The following ADCY4 variants were observed in gnomAD, a reference collection of about 807,000 sequenced individuals.
ADCY4 encodes the protein adenylate cyclase 4, also known as adenylate cyclase type 4.
Under a neutral mutation model 125.5 loss-of-function variants are expected in ADCY4, and 111 were observed. That is an observed-to-expected ratio of 0.88 (90% CI 0.76 to 1.04). The LOEUF (loss-of-function observed/expected upper bound fraction) is 1.04, where lower values mean the gene tolerates loss of function less well. Ranked by LOEUF, ADCY4 falls within the 50% of genes least tolerant of loss-of-function variation. The pLI is 0.00. For missense variants in ADCY4, 1,256 were observed against 1,382.9 expected (o/e 0.91, Z 1.46); for synonymous variants, 576 against 586.9 (o/e 0.98, Z 0.27).
rs769506582 is a variant in ADCY4, at chr14:24,322,065, C to T, written c.2586+1G>A. The T allele has an allele frequency of 3.2e-5, 51 of 1,609,668 alleles. No individual in the cohort carries two copies. The highest frequency in any genetic ancestry group is 4.2e-5 in the Non-Finnish European group (49 of 1,176,770). ...TCAGGAGTCAGGGGGTCAGGAGTCA[C>T]CTCGTTGCGCCGGTTCTGGCCAATG... On this transcript the variant is annotated splice_donor_variant, in intron 20 of 24. Transcript: ENST00000418030. LOFTEE classifies it high-confidence loss of function.
rs1424368991 is a variant in ADCY4 at position 24,322,557 on chromosome 14, AG to A, written c.2427+66del. The A allele has an allele frequency of 2.6e-6, 4 of 1,531,308 alleles. No homozygotes were observed. In the African/African-American group the frequency reaches 5.5e-5, roughly 21 times the overall value. The allele number at this position is 1,531,308 out of a possible 1,614,324, so 94.9% of individuals were successfully genotyped here. On this transcript the variant is annotated intron_variant, in intron 19 of 24. Transcript: ENST00000418030. Reference sequence around the variant, plus strand: ...GGGCATTCAACCCTGGAGATTAGAAAGATCAAGTCACAGATATGGGGGCCAC... The same window carrying A: ...GGGCATTCAACCCTGGAGATTAGAAAATCAAGTCACAGATATGGGGGCCAC...
In ADCY4 at chr14:24,318,667, A is replaced by G; in HGVS notation, c.3068T>C (p.Leu1023Pro). 1.9e-6 allele frequency: 3 copies of G among 1,614,148 alleles called. No individual in the cohort carries two copies. The highest frequency in any genetic ancestry group is 2.2e-5 in the East Asian group (1 of 44,880). The change falls in exon 24 of 25, where the codon CTT becomes CCT. Residue 1023 changes from leucine to proline, a missense_variant. Transcript: ENST00000418030. ...VASRMESTGV[L>P]GKIQVTEETA... Reference sequence around the variant, plus strand: ...TGGTTCCCTCACTTGGATTTTGCCAAGGACTCCTGTACTCTCCATGCGGCT... The same window carrying G: ...TGGTTCCCTCACTTGGATTTTGCCAGGGACTCCTGTACTCTCCATGCGGCT...
chr14:24,331,162 G>A (rs1351587724), intron 5 of ADCY4, 33 bp from the exon 6 acceptor site: 4 of 1,612,912 alleles, frequency 2.5e-6, no homozygotes, highest in East Asian at 2.2e-5. Flanking sequence ...GCAGGGCCAG[G>A]GTCTTAGCCC....
rs761295422 is a variant in ADCY4, at chr14:24,323,411, T to A, written c.2090A>T (p.Asn697Ile). ...TSSDCPFQAP[N>I]VSSMISNLSW... is the part of the protein sequence containing the mutation. ...GAGGTTGGAAATCATGGAGGACACA[T>A]TGGGAGCTTGGAAAGGGCAGTCTGA... is the stretch of plus-strand genomic sequence containing the variant. Residue 697 changes from asparagine (N) to isoleucine (I), a missense_variant, in exon 17 of 25, where the codon AAT becomes ATT. Coordinates refer to ENST00000418030, the MANE Select transcript of ADCY4 (RefSeq NM_001198568.2). 2.6e-6 allele frequency: 4 copies of A among 1,556,468 alleles called. No individual in the cohort carries two copies.
chr14:24,325,910 G>A (rs912412530), intron 12 of ADCY4, 23 bp from the exon 13 acceptor site: 7 of 1,576,894 alleles, frequency 4.4e-6, no homozygotes, highest in Middle Eastern at 3.4e-4. Flanking sequence ...GGGAGGGTGG[G>A]TGAAAGCACC....
chr14:24,327,096 C>A (rs751057670), intron 10 of ADCY4, among the ~76,000 whole-genome samples: 19 of 151,970 alleles, frequency 1.3e-4, no homozygotes, highest in Non-Finnish European at 2.4e-4. Context: ...GGGGTTTCGC[C>A]ATGTTGGCCG....
At chr14:24,324,757 G>A (rs538663298) in intron 14 of ADCY4, among the ~76,000 whole-genome samples, 1 of 151,774 alleles carries the variant, frequency 6.6e-6, no homozygotes, top group East Asian at 1.9e-4. Context: ...TGGCTGGAGT[G>A]CAGTGGTGTG....
Position 24,330,019 on chromosome 14 carries a change from C to G in ADCY4, c.1059-1G>C. 6.2e-7 allele frequency: 1 copy of G among 1,613,222 alleles called. No homozygotes were observed. The highest frequency in any genetic ancestry group is 8.5e-7 in the Non-Finnish European group (1 of 1,179,362). ...CACGCCAGTGGCTGCCCGCAGTTTC[C>G]TGAGCAGTGTGTGTGTGGGACAATC... On this transcript the variant is annotated splice_acceptor_variant, in intron 7 of 24. Coordinates refer to ENST00000418030, the MANE Select transcript of ADCY4 (RefSeq NM_001198568.2). LOFTEE classifies it high-confidence loss of function.
intron 6 of ADCY4, chr14:24,330,811 A>G: frequency 1.8e-6 from 1 of 552,602 alleles, no homozygotes; most frequent in African/African-American, 1.9e-5. Context: ...GGCGATATTG[A>G]GGGATCTCTG....
rs1002244467 is a variant in ADCY4, at chr14:24,334,678, G to T, written c.-26C>A. 2 of 1,491,310 alleles carry T rather than the reference G, an allele frequency of 1.3e-6. No individual in the cohort carries two copies. Among genetic ancestry groups the T allele is most frequent in the Non-Finnish European group, 1.8e-6 (2 of 1,122,854 alleles). The allele number at this position is 1,491,310 out of a possible 1,614,324, so 92.4% of individuals were successfully genotyped here. A position where few individuals can be genotyped will look rare whatever the true frequency, so the allele number is the denominator to read the frequency against. ...GATCTCCCCAGCCCCGAGCCCCGGG[G>T]CTGGCTAGGGCCGGGCGCCGGGTTA... On this transcript the variant is annotated 5_prime_UTR_variant, in exon 1 of 25. Transcript: ENST00000418030.
Position 24,323,104 on chromosome 14 carries a change from G to T in ADCY4, c.2158-16C>A. The T allele has an allele frequency of 6.2e-7, 1 of 1,612,824 alleles. No homozygotes were observed. Among genetic ancestry groups the T allele is most frequent in the Non-Finnish European group, 8.5e-7 (1 of 1,179,188 alleles). The stretch of plus-strand genomic sequence containing the variant: ...GCATGGAGTACTGTGGGGCCAGGCA[G>T]GGGTCAGGAGTGGGCATGTCCCATA... On this transcript the variant is annotated splice_polypyrimidine_tract_variant and intron_variant, in intron 17 of 24. Coordinates refer to ENST00000418030, the MANE Select transcript of ADCY4 (RefSeq NM_001198568.2).
intron 16 of ADCY4, 46 bp downstream of exon 16, chr14:24,324,016 T>C: frequency 6.3e-7 from 1 of 1,597,326 alleles, no homozygotes; most frequent in Non-Finnish European, 8.5e-7. Flanking sequence ...CCCTGGCAGG[T>C]CCAACATGCC....
intron 10 of ADCY4, 97 bp from the exon 11 acceptor site, chr14:24,326,439 A>T (rs919771526): frequency 6.9e-7 from 1 of 1,440,810 alleles, no homozygotes; most frequent in African/African-American, 1.4e-5. Flanking sequence ...CATGTCTTTG[A>T]CCTTGGGCAT....
intron 1 of ADCY4, 114 bp downstream of exon 1, chr14:24,334,380 C>G: frequency 2.8e-6 from 4 of 1,442,010 alleles, no homozygotes; most frequent in Non-Finnish European, 3.6e-6. Context: ...GCTCAATGGT[C>G]CTTTCTTTCT....
At position 24,334,808 on chromosome 14, in the gene ADCY4, C is replaced by T. The variant is rs1319884753; in HGVS notation, c.-156G>A. On this transcript the variant is annotated 5_prime_UTR_variant, in exon 1 of 25. Transcript: ENST00000418030. ...GGCAATCCCGTCTCCTTTTTCAGGC[C>T]CTCCCTGCGGCCTCCCAGCCCGCTC... 10 of 629,094 alleles carry T rather than the reference C, an allele frequency of 1.6e-5. No individual in the cohort carries two copies. Among genetic ancestry groups the T allele is most frequent in the Non-Finnish European group, 2.4e-5 (9 of 374,198 alleles). 39.0% of individuals were successfully genotyped at this position (629,094 alleles called of 1,614,324 possible).
At chr14:24,322,770 C>G (rs1162126670) in intron 18 of ADCY4, 62 bp from the exon 19 acceptor site, 3 of 1,577,840 alleles carry the variant, frequency 1.9e-6, no homozygotes, top group African/African-American at 2.7e-5. Context: ...TCTCCCTGCC[C>G]CCATGTAGGC....
chr14:24,323,305 G>A, intron 17 of ADCY4, 39 bp downstream of exon 17: 1 of 1,517,418 alleles, frequency 6.6e-7, no homozygotes, highest in Admixed American at 2.0e-5. Flanking sequence ...CTGAGGAAGG[G>A]TGTGCAGAAG....
chr14:24,330,565 C>A (rs1054990628), intron 6 of ADCY4: 4 of 420,998 alleles, frequency 9.5e-6, no homozygotes, highest in Admixed American at 7.5e-5. Flanking sequence ...GAGTTGAGTA[C>A]GTGGTAGTGG....
At chr14:24,322,328 AC>A in intron 19 of ADCY4, 104 bp from the exon 20 acceptor site, 3 of 1,327,338 alleles carry the variant, frequency 2.3e-6, no homozygotes, top group Non-Finnish European at 1.0e-6. Context: ...CCCCCACCCC[AC>A]CCCCAGTTTA....
Sources: allele counts gnomAD v4.1 joint callset (sites outside exome capture counted in the v4.1 genomes callset), GRCh38; gene constraint gnomAD v4.1.1; transcripts MANE v1.5; gene names NCBI Gene and HGNC (gene_info 2026-07-23, HGNC 2026-07-21).